The following RAB28 variants were observed in gnomAD, a reference collection of about 807,000 sequenced individuals.
RAB28 encodes the protein ras-related protein Rab-28.
Under a neutral mutation model 31.7 loss-of-function variants are expected in RAB28, and 24 were observed. The observed-to-expected ratio is 0.76, with a 90% CI of 0.55 to 1.06. The LOEUF is 1.06. Ranked by LOEUF, RAB28 falls within the 50% of genes least tolerant of loss-of-function variation. RAB28 has a pLI of 0.00. For missense variants in RAB28, 254 were observed against 258.5 expected, an observed-to-expected ratio of 0.98 and a Z score of 0.12; for synonymous variants, 100 against 90.4, an observed-to-expected ratio of 1.11 and a Z score of -0.60.
chr4:13,371,691 T>C (rs1342813647), intron 6 of RAB28: 1 of 1,508,306 alleles, frequency 6.6e-7, no homozygotes, highest in Non-Finnish European at 8.8e-7. Context: ...AAAAACATAA[T>C]TTCCATGTCA....
chr4:13,390,830 G>A (rs575986717), intron 4 of RAB28, among the ~76,000 whole-genome samples: 1 of 152,266 alleles, frequency 6.6e-6, no homozygotes, highest in East Asian at 1.9e-4. Flanking sequence ...AATAAATGGT[G>A]CTGGGAAAAC....
chr4:13,418,965 A>G (rs1251462641), intron 4 of RAB28, among the ~76,000 whole-genome samples: 1 of 152,222 alleles, frequency 6.6e-6, no homozygotes, highest in East Asian at 1.9e-4. Context: ...GGCAAATTGG[A>G]TAGAGTCAAG....
chr4:13,415,900 A>G (rs1230211885), intron 4 of RAB28, among the ~76,000 whole-genome samples: 1 of 152,176 alleles, frequency 6.6e-6, no homozygotes, highest in Non-Finnish European at 1.5e-5. Flanking sequence ...TTGTAAATAC[A>G]CCAATCGGCA....
intron 5 of RAB28, among the ~76,000 whole-genome samples, chr4:13,380,077 G>A (rs1029887343): frequency 6.6e-6 from 1 of 152,094 alleles, no homozygotes; most frequent in African/African-American, 2.4e-5. Flanking sequence ...TTAAGTGAGG[G>A]TAGAAGCCCA....
intron 5 of RAB28, among the ~76,000 whole-genome samples, chr4:13,379,764 G>C (rs1729057196): frequency 2.0e-5 from 3 of 151,784 alleles, no homozygotes; most frequent in Admixed American, 2.0e-4. Flanking sequence ...GAGAAACAAG[G>C]ATACTGAAAT....
chr4:13,467,450 G>T (rs892138709), intron 3 of RAB28, among the ~76,000 whole-genome samples: 1 of 151,810 alleles, frequency 6.6e-6, no homozygotes, highest in African/African-American at 2.4e-5. Context: ...ACTGTTTAAA[G>T]TAATAATAAT....
intron 6 of RAB28, chr4:13,370,895 C>A: frequency 2.1e-6 from 2 of 958,766 alleles, no homozygotes; most frequent in Non-Finnish European, 2.5e-6. Flanking sequence ...ATTGCTGCTA[C>A]CCTTAGGATA....
At chr4:13,394,833 G>A (rs1729801031) in intron 4 of RAB28, among the ~76,000 whole-genome samples, 1 of 152,018 alleles carries the variant, frequency 6.6e-6, no homozygotes, top group Non-Finnish European at 1.5e-5. Flanking sequence ...CGATGTCTGA[G>A]GACAAAAAAA....
intron 4 of RAB28, among the ~76,000 whole-genome samples, chr4:13,452,855 T>C (rs1278671914): frequency 6.6e-6 from 1 of 152,106 alleles, no homozygotes; most frequent in Non-Finnish European, 1.5e-5. Context: ...GTCTGTCCAA[T>C]GCTGAGAGTA....
At chr4:13,395,359 G>A (rs1342231791) in intron 4 of RAB28, among the ~76,000 whole-genome samples, 1 of 152,018 alleles carries the variant, frequency 6.6e-6, no homozygotes, top group African/African-American at 2.4e-5. Context: ...GTACATACAA[G>A]TTGTGAAACT....
At chr4:13,416,620 G>A (rs1486900698) in intron 4 of RAB28, among the ~76,000 whole-genome samples, 2 of 152,190 alleles carry the variant, frequency 1.3e-5, no homozygotes, top group African/African-American at 4.8e-5. Flanking sequence ...ACCAACCCAT[G>A]GAGTAAATAA....
chr4:13,420,664 T>G (rs1195676931), intron 4 of RAB28, among the ~76,000 whole-genome samples: 1 of 152,164 alleles, frequency 6.6e-6, no homozygotes, highest in African/African-American at 2.4e-5. Flanking sequence ...AACCACATGA[T>G]TATCTCAATA....
At chr4:13,437,016 T>C (rs1488540117) in intron 4 of RAB28, among the ~76,000 whole-genome samples, 1 of 152,130 alleles carries the variant, frequency 6.6e-6, no homozygotes, top group East Asian at 1.9e-4. Flanking sequence ...AATAGACACA[T>C]AGACCAATTG....
In RAB28 at chr4:13,372,603, G is replaced by C. The variant is rs139987770; in HGVS notation, c.573+3942C>G. Among the ~76,000 whole-genome samples, 1,464 of 152,180 alleles carry C rather than the reference G, an allele frequency of 9.6e-3. 11 individuals are homozygous for C. Among genetic ancestry groups the C allele is most frequent in the Middle Eastern group, 0.031 (9 of 292 alleles). On this transcript the variant is annotated intron_variant, in intron 6 of 6. Transcript: ENST00000330852. The stretch of plus-strand genomic sequence containing the variant: ...CGTTCAATATCTGAGGGTTAGAGTA[G>C]TATGTACAAAATGAGAAAATATCCC...
At chr4:13,404,648 G>A (rs1243510851) in intron 4 of RAB28, among the ~76,000 whole-genome samples, 1 of 152,018 alleles carries the variant, frequency 6.6e-6, no homozygotes, top group Non-Finnish European at 1.5e-5. Flanking sequence ...CATCTCCATT[G>A]CAAAGAATTC....
chr4:13,379,648 T>G (rs530083004), intron 5 of RAB28, among the ~76,000 whole-genome samples: 1 of 152,122 alleles, frequency 6.6e-6, no homozygotes, highest in East Asian at 1.9e-4. Context: ...TAGAAGATGG[T>G]TGGTGGTTAG....
intron 3 of RAB28, among the ~76,000 whole-genome samples, chr4:13,472,519 T>C (rs1317313648): frequency 2.6e-5 from 4 of 152,016 alleles, no homozygotes; most frequent in African/African-American, 7.2e-5. Flanking sequence ...AATTGAATTA[T>C]ATATTATTAT....
chr4:13,452,679 C>T (rs1330141247), intron 4 of RAB28, among the ~76,000 whole-genome samples: 3 of 151,838 alleles, frequency 2.0e-5, no homozygotes, highest in Non-Finnish European at 4.4e-5. Context: ...TATTTTGTAT[C>T]CTAACACATG....
At chr4:13,371,028 A>G (rs1457730138) in intron 6 of RAB28, 3 of 983,848 alleles carry the variant, frequency 3.0e-6, no homozygotes, top group Admixed American at 6.2e-5. Flanking sequence ...CATACCCTTC[A>G]TAATAGCATC....
Sources: gnomAD v4.1 joint callset for allele counts (sites outside exome capture counted in the v4.1 genomes callset) on GRCh38, gnomAD v4.1.1 for gene constraint, MANE v1.5 for transcripts, NCBI Gene and HGNC (gene_info 2026-07-23, HGNC 2026-07-21) for gene names.